Variants in AP1G1 observed in about 807,000 individuals in gnomAD.
AP1G1 encodes the protein adaptor related protein complex 1 subunit gamma 1, also known as AP-1 complex subunit gamma-1.
Under a neutral mutation model 108.3 loss-of-function variants are expected in AP1G1, and 7 were observed. The ratio of observed to expected loss-of-function variants is 0.06; its 90% CI spans 0.04 to 0.12. The LOEUF (loss-of-function observed/expected upper bound fraction) is 0.12. Ranked by LOEUF, AP1G1 falls within the 10% of genes least tolerant of loss-of-function variation. The pLI is 1.00. For synonymous variants in AP1G1, 379 were observed against 353.5 expected, an observed-to-expected ratio of 1.07 and a Z score of -0.81; for missense variants, 756 against 1,010.7, an observed-to-expected ratio of 0.75 and a Z score of 3.42.
intron 16 of AP1G1, among the ~76,000 whole-genome samples, chr16:71,747,920 T>C (rs542335902): frequency 6.6e-6 from 1 of 152,132 alleles, no homozygotes. Flanking sequence ...GAGTTCAAGG[T>C]TGCAGTAAAA....
chr16:71,786,538 G>GCAAC (rs1216299059), intron 2 of AP1G1, among the ~76,000 whole-genome samples: 1 of 151,970 alleles, frequency 6.6e-6, no homozygotes, highest in African/African-American at 2.4e-5. Context: ...TCAGCTCACT[G>GCAAC]CAACCTGTAC....
At chr16:71,792,029 T>C (rs971335243) in intron 1 of AP1G1, among the ~76,000 whole-genome samples, 2 of 152,150 alleles carry the variant, frequency 1.3e-5, no homozygotes, top group Non-Finnish European at 2.9e-5. Flanking sequence ...CCCAAAGTGC[T>C]GGGATTACAG....
intron 1 of AP1G1, among the ~76,000 whole-genome samples, chr16:71,794,916 C>A (rs2142267282): frequency 7.8e-6 from 1 of 128,256 alleles, no homozygotes; most frequent in African/African-American, 2.9e-5. Flanking sequence ...AAGGCTAGAT[C>A]TTCATTTGCC....
At chr16:71,765,743 G>A in intron 6 of AP1G1, 159 bp from the exon 7 acceptor site, 1 of 596,254 alleles carries the variant, frequency 1.7e-6, no homozygotes, top group Non-Finnish European at 3.0e-6. Context: ...ATAAACTTAG[G>A]AGTAACTTAG....
intron 11 of AP1G1, chr16:71,758,301 CTTTT>C: frequency 2.4e-6 from 1 of 411,764 alleles, no homozygotes; most frequent in East Asian, 7.1e-5. Flanking sequence ...GAGATTTATG[CTTTT>C]TGAGAGTGCT....
intron 6 of AP1G1, among the ~76,000 whole-genome samples, chr16:71,766,910 T>A (rs2031340788): frequency 6.6e-6 from 1 of 152,186 alleles, no homozygotes; most frequent in South Asian, 2.1e-4. Flanking sequence ...GCCATGGAGA[T>A]CTGTAAATTC....
intron 1 of AP1G1, among the ~76,000 whole-genome samples, chr16:71,800,279 G>A (rs2032742559): frequency 6.7e-6 from 1 of 149,862 alleles, no homozygotes; most frequent in African/African-American, 2.5e-5. Flanking sequence ...GCTGAGGCAG[G>A]AGAATGGCGT....
At chr16:71,801,248 A>G (rs2032787734) in intron 1 of AP1G1, among the ~76,000 whole-genome samples, 1 of 151,816 alleles carries the variant, frequency 6.6e-6, no homozygotes, top group Non-Finnish European at 1.5e-5. Flanking sequence ...GGAGATTCCC[A>G]CCACCTGGGT....
intron 21 of AP1G1, among the ~76,000 whole-genome samples, chr16:71,736,117 A>AAAAAAAAAATATATATAT (rs1555550846): frequency 1.4e-5 from 1 of 71,622 alleles, no homozygotes; most frequent in African/African-American, 6.2e-5. Context: ...AAAAAAAAAA[A>AAAAAAAAAATATATATAT]ATATATATAT....
intron 2 of AP1G1, among the ~76,000 whole-genome samples, chr16:71,777,272 C>A (rs73582271): frequency 0.036 from 5,414 of 149,056 alleles, 327 homozygotes; most frequent in African/African-American, 0.13. Flanking sequence ...GGACATGAGG[C>A]TAGGGGATGC....
chr16:71,753,806 A>G (rs2030630524), intron 13 of AP1G1, 27 bp downstream of exon 13: 1 of 1,604,244 alleles, frequency 6.2e-7, no homozygotes, highest in Admixed American at 1.7e-5. Flanking sequence ...AGCACTTCGT[A>G]TATGCTGTCT....
chr16:71,743,737 C>G (rs1357916598), intron 19 of AP1G1: 1 of 148,122 alleles, frequency 6.8e-6, no homozygotes. Context: ...GGGTGGATCA[C>G]GAGGTCGGGA....
intron 6 of AP1G1, among the ~76,000 whole-genome samples, chr16:71,768,976 T>TAAAAAAAAAAA (rs1567652782): frequency 3.1e-5 from 1 of 32,254 alleles, no homozygotes; most frequent in Non-Finnish European, 5.1e-5. Context: ...AAAAAAAAAA[T>TAAAAAAAAAAA]ACAAAAAAAA....
chr16:71,774,610 A>G lies in AP1G1; in HGVS notation c.202-18T>C. 2 of 1,555,000 alleles carry G rather than the reference A, an allele frequency of 1.3e-6. No individual in the cohort carries two copies. The highest frequency in any genetic ancestry group is 4.6e-5 in the East Asian group (2 of 43,582). ...CACTCCAACTGCAAAAAAAGAAAAA[A>G]AAAAAGAAGGAAATTAAAACTTGCT... On this transcript the variant is annotated intron_variant, in intron 2 of 22. Coordinates refer to ENST00000299980, the MANE Select transcript of AP1G1 (RefSeq NM_001128.6).
intron 21 of AP1G1, among the ~76,000 whole-genome samples, 157 bp downstream of exon 21, chr16:71,738,785 A>G (rs1444082986): frequency 6.6e-6 from 1 of 152,180 alleles, no homozygotes. Context: ...TAAAAATGAT[A>G]TGCTTCCATG....
intron 19 of AP1G1, chr16:71,742,396 A>G (rs1190553711): frequency 6.6e-6 from 1 of 152,134 alleles, no homozygotes; most frequent in African/African-American, 2.4e-5. Flanking sequence ...TTTTCACCCA[A>G]TAGGGCTTTT....
intron 12 of AP1G1, 135 bp from the exon 13 acceptor site, chr16:71,754,022 T>C (rs1310803269): frequency 3.8e-6 from 3 of 779,434 alleles, no homozygotes; most frequent in African/African-American, 1.7e-5. Flanking sequence ...GGAGATCACC[T>C]GAGCTCAGGA....
chr16:71,765,751 T>A (rs2031286349), intron 6 of AP1G1, 167 bp from the exon 7 acceptor site: 1 of 572,172 alleles, frequency 1.7e-6, no homozygotes, highest in Non-Finnish European at 3.2e-6. Context: ...AGGAGTAACT[T>A]AGGGCAATAT....
chr16:71,794,849 T>C (rs1597087007), intron 1 of AP1G1, among the ~76,000 whole-genome samples: 1 of 142,908 alleles, frequency 7.0e-6, no homozygotes, highest in Admixed American at 7.1e-5. Flanking sequence ...TTTTTTTTTT[T>C]TTTTTTTTTT....
Sources: allele counts gnomAD v4.1 joint callset (sites outside exome capture counted in the v4.1 genomes callset), GRCh38; gene constraint gnomAD v4.1.1; transcripts MANE v1.5; gene names NCBI Gene and HGNC (gene_info 2026-07-23, HGNC 2026-07-21).